Variants in MOSPD2 observed in about 807,000 individuals in gnomAD.
The protein encoded by MOSPD2 is motile sperm domain containing 2, also known as motile sperm domain-containing protein 2.
MOSPD2 carries 5 observed loss-of-function variants against 41.7 expected under a neutral mutation model. The ratio of observed to expected loss-of-function variants is 0.12; its 90% confidence interval spans 0.06 to 0.25. The LOEUF is 0.25. MOSPD2 is among the 10% of genes least tolerant of loss of function. The pLI is 1.00. For missense variants in MOSPD2, 282 were observed against 375.2 expected, an observed-to-expected ratio of 0.75 and a Z score of 2.05; for synonymous variants, 115 against 126.9, an observed-to-expected ratio of 0.91 and a Z score of 0.63.
rs1569103818 is a variant in MOSPD2, at chrX:14,899,607, A to AC, written c.478-968_478-967insC. On this transcript the variant is annotated intron_variant, in intron 5 of 14. Coordinates refer to ENST00000380492, the MANE Select transcript of MOSPD2 (RefSeq NM_152581.4). ...ACACACACACACACACACACACACAAAGGTATTATTATATATATACCCATA... is the reference window on the plus strand; with the variant it reads ...ACACACACACACACACACACACACAACAGGTATTATTATATATATACCCATA... Among the ~76,000 whole-genome samples the AC allele has an allele frequency of 1.9e-4, 12 of 62,137 alleles. No homozygotes were observed. In the East Asian group the frequency reaches 3.0e-3, roughly 15 times the overall value. 54.0% of individuals were successfully genotyped at this position (62,137 alleles called of 115,157 possible).
At chrX:14,914,449 G>A (rs958667869) in intron 10 of MOSPD2, 54 bp from the exon 11 acceptor site, 2 of 754,864 alleles carry the variant, frequency 2.6e-6, no homozygotes, top group Admixed American at 6.2e-5. Context: ...TAAATGATTA[G>A]ATTGTCATTT....
chrX:14,878,698 TTTC>T (rs911191216), intron 2 of MOSPD2, among the ~76,000 whole-genome samples: 12 of 112,231 alleles, frequency 1.1e-4, no homozygotes, highest in African/African-American at 3.9e-4. Context: ...TACTATTTTT[TTTC>T]TTCTTTTTTT....
chrX:14,911,805 T>G (rs1191731445), intron 9 of MOSPD2, among the ~76,000 whole-genome samples: 3 of 111,930 alleles, frequency 2.7e-5, no homozygotes, highest in Non-Finnish European at 3.8e-5. Flanking sequence ...GAAGATCGCT[T>G]GAGCCCAGGA....
intron 4 of MOSPD2, among the ~76,000 whole-genome samples, chrX:14,896,032 A>G (rs994289632): frequency 9.1e-6 from 1 of 109,436 alleles, no homozygotes; most frequent in African/African-American, 3.3e-5. Flanking sequence ...TCTTACTGCC[A>G]CCTCCTCCTT....
At chrX:14,917,143 T>A (rs938622874) in intron 13 of MOSPD2, among the ~76,000 whole-genome samples, 3 of 111,160 alleles carry the variant, frequency 2.7e-5, no homozygotes, top group African/African-American at 9.8e-5. Context: ...GACAGCCCCA[T>A]CCCCCAAAAA....
intron 11 of MOSPD2, 37 bp from the exon 12 acceptor site, chrX:14,915,631 A>G (rs1391298892): frequency 9.5e-7 from 1 of 1,053,518 alleles, no homozygotes; most frequent in Non-Finnish European, 1.3e-6. Context: ...CCAAAAAAGC[A>G]TAAAGGTTGT....
intron 10 of MOSPD2, among the ~76,000 whole-genome samples, chrX:14,912,904 T>G (rs2092594241): frequency 8.9e-6 from 1 of 112,254 alleles, no homozygotes; most frequent in African/African-American, 3.2e-5. Flanking sequence ...TGCCTTACGT[T>G]ACATTGCTAC....
At chrX:14,882,632 A>G (rs2092533550) in intron 2 of MOSPD2, among the ~76,000 whole-genome samples, 1 of 111,739 alleles carries the variant, frequency 8.9e-6, no homozygotes, top group African/African-American at 3.3e-5. Context: ...TTTTTTAAAA[A>G]GTTACCAATT....
chrX:14,877,800 T>C (rs193129854), intron 2 of MOSPD2, among the ~76,000 whole-genome samples: 2,598 of 104,710 alleles, frequency 0.025, 76 homozygotes, highest in African/African-American at 0.085. Flanking sequence ...GGTGAAACCC[T>C]GTCTCTGCTA....
intron 7 of MOSPD2, among the ~76,000 whole-genome samples, chrX:14,908,228 C>T (rs1023814513): frequency 9.0e-6 from 1 of 111,532 alleles, no homozygotes; most frequent in African/African-American, 3.3e-5. Context: ...GCAGTTCGTG[C>T]CACTGCACTC....
At position 14,911,272 on chromosome X, in the gene MOSPD2, T is replaced by C; in HGVS notation, c.738T>C (p.Asp246=). Reference sequence around the variant, plus strand: ...AGTATAGCTATCCACCACTAGTAGATGATGACTTCCAGACCCCACTGTGTG... The same window carrying C: ...AGTATAGCTATCCACCACTAGTAGACGATGACTTCCAGACCCCACTGTGTG... ...PFKYSYPPLV[D]DDFQTPLCEN... Residue 246 remains aspartate (D), a synonymous_variant, in exon 9 of 15, where the codon GAT becomes GAC. Coordinates refer to ENST00000380492, the MANE Select transcript of MOSPD2 (RefSeq NM_152581.4). 8.3e-7 allele frequency: 1 copy of C among 1,204,601 alleles called. No homozygotes were observed. Among genetic ancestry groups the C allele is most frequent in the East Asian group, 3.0e-5 (1 of 33,650 alleles).
At chrX:14,901,749 C>T (rs904124633) in intron 6 of MOSPD2, among the ~76,000 whole-genome samples, 1 of 110,221 alleles carries the variant, frequency 9.1e-6, no homozygotes, top group Non-Finnish European at 1.9e-5. Context: ...GAATCACTAC[C>T]CCATAGTTTT....
At position 14,888,206 on chromosome X, in the gene MOSPD2, G is replaced by GCACA. The variant is rs775166629; in HGVS notation, c.80-4477_80-4474dup. On this transcript the variant is annotated intron_variant, in intron 2 of 14. Transcript: ENST00000380492. ...ATTGGGAGAATATATACACACACAC[G>GCACA]CACACACACACACACACACACACAC... Among the ~76,000 whole-genome samples the GCACA allele has an allele frequency of 3.6e-3, 206 of 56,765 alleles. 1 individual carries two copies. The highest frequency in any genetic ancestry group is 0.012 in the East Asian group (23 of 1,954). The allele number at this position is 56,765 out of a possible 115,157, so 49.3% of individuals were successfully genotyped here.
rs928038760 is a variant in MOSPD2 at position 14,920,893 on chromosome X, A to T, written c.*1084A>T. ...GGTGAAAACAAAAAAAAATAAAAAGAAACACAGACGCCCAGGTGTCAGCTC... is the reference window on the plus strand; with the variant it reads ...GGTGAAAACAAAAAAAAATAAAAAGTAACACAGACGCCCAGGTGTCAGCTC... On this transcript the variant is annotated 3_prime_UTR_variant, in exon 15 of 15. Coordinates refer to ENST00000380492, the MANE Select transcript of MOSPD2 (RefSeq NM_152581.4). 1.3e-6 allele frequency: 1 copy of T among 752,424 alleles called. No individual in the cohort carries two copies. The highest frequency in any genetic ancestry group is 8.8e-5 in the Admixed American group (1 of 11,355). 62.0% of individuals were successfully genotyped at this position (752,424 alleles called of 1,213,427 possible).
intron 2 of MOSPD2, among the ~76,000 whole-genome samples, chrX:14,880,075 A>G (rs2092528535): frequency 9.1e-6 from 1 of 110,342 alleles, no homozygotes; most frequent in Non-Finnish European, 1.9e-5. Context: ...CAGTGGTATT[A>G]TGTTAAATCA....
At position 14,919,847 on chromosome X, in the gene MOSPD2, C is replaced by T. The variant is rs756664650; in HGVS notation, c.*38C>T. 45 of 1,174,425 alleles carry T rather than the reference C, an allele frequency of 3.8e-5. No individual in the cohort carries two copies. Among genetic ancestry groups the T allele is most frequent in the Non-Finnish European group, 4.7e-5 (41 of 878,368 alleles). On this transcript the variant is annotated 3_prime_UTR_variant, in exon 15 of 15. Transcript: ENST00000380492. ...GGGTAGGAACCACGGTTCCTTCGTC[C>T]ATTAGTTGGAAAAAGTAACAGACCT...
intron 3 of MOSPD2, 159 bp downstream of exon 3, chrX:14,893,037 T>C: frequency 2.6e-6 from 1 of 385,145 alleles, no homozygotes; most frequent in South Asian, 6.7e-5. Flanking sequence ...AAGGAACAGC[T>C]TATAAGTCTT....
chrX:14,900,546 C>T (rs748118392), intron 5 of MOSPD2, 29 bp from the exon 6 acceptor site: 2 of 871,371 alleles, frequency 2.3e-6, no homozygotes, highest in East Asian at 6.8e-5. Flanking sequence ...CTAATGTGGA[C>T]AGTCTTAAAG....
intron 8 of MOSPD2, among the ~76,000 whole-genome samples, chrX:14,910,842 T>C (rs912327386): frequency 8.1e-5 from 9 of 111,309 alleles, no homozygotes; most frequent in Non-Finnish European, 1.5e-4. Context: ...AAAACTTTCT[T>C]ATGATTCAAA....
Sources: allele counts gnomAD v4.1 joint callset (sites outside exome capture counted in the v4.1 genomes callset), GRCh38; gene constraint gnomAD v4.1.1; transcripts MANE v1.5; gene names NCBI Gene and HGNC (gene_info 2026-07-23, HGNC 2026-07-21).